Variants in RXRG observed in about 807,000 individuals in gnomAD.
RXRG encodes the protein retinoid X receptor gamma.
A neutral mutation model predicts 49.2 loss-of-function variants in RXRG; 19 were observed. The observed-to-expected ratio is 0.39, with a 90% confidence interval of 0.27 to 0.57. RXRG has a LOEUF of 0.57. Ranked by LOEUF, RXRG falls within the 20% of genes least tolerant of loss-of-function variation. RXRG has a pLI of 0.64. For missense variants in RXRG, 452 were observed against 592.5 expected (o/e 0.76, Z 2.46); for synonymous variants, 224 against 216.6 (o/e 1.03, Z -0.30).
intron 2 of RXRG, 129 bp from the exon 3 acceptor site, chr1:165,420,143 T>A (rs1421783828): frequency 1.5e-6 from 1 of 660,056 alleles, no homozygotes; most frequent in African/African-American, 1.9e-5. Context: ...GTACAGAGTA[T>A]TTGAAACTGC....
At chr1:165,410,594 C>T (rs1657911833) in intron 6 of RXRG, 108 bp downstream of exon 6, 1 of 1,255,342 alleles carries the variant, frequency 8.0e-7, no homozygotes. Flanking sequence ...TCATCATCAG[C>T]ATGGTACATA....
chr1:165,412,123 T>C (rs1657973949), intron 4 of RXRG, among the ~76,000 whole-genome samples: 1 of 152,184 alleles, frequency 6.6e-6, no homozygotes, highest in South Asian at 2.1e-4. Context: ...TCCTACTCTC[T>C]GAGGAGATAA....
intron 4 of RXRG, among the ~76,000 whole-genome samples, chr1:165,411,853 C>T (rs1657962022): frequency 1.3e-5 from 2 of 152,126 alleles, no homozygotes; most frequent in Admixed American, 1.3e-4. Flanking sequence ...AGACTGCTGC[C>T]CCCTCCAATT....
At chr1:165,406,768 G>T (rs371631882) in intron 9 of RXRG, 44 bp downstream of exon 9, 2 of 1,321,688 alleles carry the variant, frequency 1.5e-6, no homozygotes, top group East Asian at 2.3e-5. Context: ...TGAAGAGTGG[G>T]AGTAGTTGCT....
intron 1 of RXRG, among the ~76,000 whole-genome samples, chr1:165,434,956 ATAATAAC>A (rs1262372738): frequency 1.3e-5 from 2 of 152,222 alleles, no homozygotes; most frequent in Non-Finnish European, 2.9e-5. Context: ...TGTAACAATA[ATAATAAC>A]TAATATTTAC....
chr1:165,406,663 A>G (rs1483806589), intron 9 of RXRG, 149 bp downstream of exon 9: 2 of 639,568 alleles, frequency 3.1e-6, no homozygotes, highest in African/African-American at 3.6e-5. Context: ...AGCCCAATGG[A>G]ATTAACATTT....
intron 1 of RXRG, among the ~76,000 whole-genome samples, chr1:165,431,676 A>G (rs773525230): frequency 6.6e-6 from 1 of 152,126 alleles, no homozygotes; most frequent in Non-Finnish European, 1.5e-5. Context: ...CTATTTCTTT[A>G]TCCCCAGGGT....
chr1:165,439,122 G>A (rs997218011), intron 1 of RXRG, among the ~76,000 whole-genome samples: 7 of 152,020 alleles, frequency 4.6e-5, no homozygotes, highest in Admixed American at 3.9e-4. Context: ...AACTTGTCAC[G>A]AATTTAGACT....
chr1:165,409,391 C>T (rs764771583), intron 7 of RXRG, among the ~76,000 whole-genome samples, 167 bp downstream of exon 7: 1 of 152,112 alleles, frequency 6.6e-6, no homozygotes, highest in Non-Finnish European at 1.5e-5. Flanking sequence ...GTGGTCTCTG[C>T]ATGGTCATGT....
chr1:165,410,812 T>A lies in RXRG; in HGVS notation c.803A>T (p.Asn268Ile), dbSNP rs550065424. 6.2e-7 allele frequency: 1 copy of A among 1,614,170 alleles called. No individual in the cohort carries two copies. The highest frequency in any genetic ancestry group is 2.2e-5 in the East Asian group (1 of 44,884). ...MENSTNDPVT[N>I]ICHAADKQLF... is the part of the protein sequence containing the mutation. ...CTGCTTGTCAGCAGCATGACATATG[T>A]TGGTAACAGGGTCATTTGTCTGAAA... Residue 268 changes from asparagine to isoleucine, a missense_variant, in exon 6 of 10, where the codon AAC becomes ATC. Around this residue, in one of 2 missense-constraint regions of RXRG, gnomAD observed 286 missense variants for 440.9 expected, o/e 0.65. Transcript: ENST00000359842.
Position 165,432,909 on chromosome 1 carries a change from G to T in RXRG, c.50-3943C>A, listed in dbSNP as rs157882. Among the ~76,000 whole-genome samples, 742 of 152,334 alleles carry T rather than the reference G, an allele frequency of 4.9e-3. 13 individuals are homozygous for T. Among genetic ancestry groups the T allele is most frequent in the African/African-American group, 0.017 (700 of 41,572 alleles). ...TTTGGTCCTTGCAATGATTTGAATG[G>T]GTGTGTCCCTCCAAAATTTGTGTTG... On this transcript the variant is annotated intron_variant, in intron 1 of 9. Transcript: ENST00000359842.
intron 1 of RXRG, among the ~76,000 whole-genome samples, chr1:165,442,735 A>G (rs1659046658): frequency 6.6e-6 from 1 of 152,246 alleles, no homozygotes; most frequent in South Asian, 2.1e-4. Flanking sequence ...GGACAACACT[A>G]TAGCAGCTGT....
intron 9 of RXRG, among the ~76,000 whole-genome samples, chr1:165,403,883 C>T (rs1657661670): frequency 6.6e-6 from 1 of 152,232 alleles, no homozygotes; most frequent in African/African-American, 2.4e-5. Context: ...GAAATAAACA[C>T]ACCCATGAAC....
chr1:165,405,830 C>G (rs1464410785), intron 9 of RXRG, among the ~76,000 whole-genome samples: 1 of 152,210 alleles, frequency 6.6e-6, no homozygotes, highest in Non-Finnish European at 1.5e-5. Flanking sequence ...CAAAACCCAC[C>G]TACTCAAATT....
At chr1:165,441,613 A>T (rs1006527187) in intron 1 of RXRG, among the ~76,000 whole-genome samples, 5 of 152,202 alleles carry the variant, frequency 3.3e-5, no homozygotes, top group African/African-American at 1.2e-4. Flanking sequence ...AGGCTGGTAA[A>T]GTGCTTACAA....
In RXRG at chr1:165,434,280, A is replaced by ATGTGTGTG. The variant is rs57708987; in HGVS notation, c.50-5322_50-5315dup. 6.9e-3 allele frequency among the ~76,000 whole-genome samples: 900 copies of ATGTGTGTG among 131,076 alleles called. 6 individuals are homozygous for ATGTGTGTG. The highest frequency in any genetic ancestry group is 0.026 in the South Asian group (105 of 4,022). The allele number at this position is 131,076 out of a possible 152,430, so 86.0% of individuals were successfully genotyped here. On this transcript the variant is annotated intron_variant, in intron 1 of 9. Transcript: ENST00000359842. ...TCTAAACAATGAATTGCATGTGTGT[A>ATGTGTGTG]TGTGTGTGTGTGTGTGTGTGTGTGT...
chr1:165,414,368 T>A (rs987976131), intron 4 of RXRG, among the ~76,000 whole-genome samples: 1 of 152,226 alleles, frequency 6.6e-6, no homozygotes, highest in African/African-American at 2.4e-5. Context: ...TTCCTTCCTT[T>A]TTTAAAAACA....
chr1:165,419,917 C>A lies in RXRG; in HGVS notation c.395G>T (p.Gly132Val), dbSNP rs1274097462. Residue 132 changes from glycine to valine, a missense_variant, in exon 3 of 10, where the codon GGA becomes GTA. By Grantham distance (109) the Gly-to-Val change is moderately radical. Transcript: ENST00000359842. The stretch of plus-strand genomic sequence containing the variant: ...GGCACAGATGTGTTTAACCAGAGAT[C>A]CGGGGCTGGTGGATGGGTAGTTCAT... ...GNMNYPSTSP[G>V]SLVKHICAIC... 1 of 1,613,280 alleles carries A rather than the reference C, an allele frequency of 6.2e-7. No individual in the cohort carries two copies. The highest frequency in any genetic ancestry group is 1.3e-5 in the African/African-American group (1 of 74,884).
chr1:165,444,654 C>A (rs1252681319), intron 1 of RXRG, among the ~76,000 whole-genome samples, 191 bp downstream of exon 1: 1 of 152,202 alleles, frequency 6.6e-6, no homozygotes, highest in South Asian at 2.1e-4. Flanking sequence ...CACCTACAGA[C>A]CATTCTTTCC....
Sources: gnomAD v4.1 joint callset for allele counts (sites outside exome capture counted in the v4.1 genomes callset) on GRCh38, gnomAD v4.1.1 for gene constraint, gnomAD v4.1.1 regional missense constraint, MANE v1.5 for transcripts, NCBI Gene and HGNC (gene_info 2026-07-23, HGNC 2026-07-21) for gene names.